Variants in KHDC4 observed in about 807,000 individuals in gnomAD.
KHDC4 encodes the protein KH homology domain-containing protein 4.
A neutral mutation model predicts 74.5 loss-of-function variants in KHDC4; 19 were observed. That is an observed-to-expected ratio of 0.26 (90% CI 0.18 to 0.37). KHDC4 has a LOEUF of 0.37. Ranked by LOEUF, KHDC4 falls within the 10% of genes least tolerant of loss-of-function variation. The pLI is 1.00. For synonymous variants in KHDC4, 253 were observed against 266.1 expected, an observed-to-expected ratio of 0.95 and a Z score of 0.48; for missense variants, 632 against 754.1, an observed-to-expected ratio of 0.84 and a Z score of 1.90.
chr1:155,922,923 T>C (rs1432725541), intron 8 of KHDC4, among the ~76,000 whole-genome samples: 3 of 152,148 alleles, frequency 2.0e-5, no homozygotes, highest in African/African-American at 4.8e-5. Context: ...AAGACAGTCC[T>C]GGCCGGGCGC....
At chr1:155,926,925 T>C in intron 5 of KHDC4, 86 bp from the exon 6 acceptor site, 1 of 1,481,286 alleles carries the variant, frequency 6.8e-7, no homozygotes, top group Non-Finnish European at 9.4e-7. Flanking sequence ...ACCGTAAATC[T>C]GCTTTATACG....
intron 10 of KHDC4, among the ~76,000 whole-genome samples, chr1:155,919,429 AT>A (rs892668386): frequency 6.6e-6 from 1 of 152,026 alleles, no homozygotes; most frequent in Non-Finnish European, 1.5e-5. Flanking sequence ...TAATCCTAGC[AT>A]TTTGGAAGTC....
At chr1:155,922,907 G>A (rs1294021274) in intron 8 of KHDC4, among the ~76,000 whole-genome samples, 1 of 152,166 alleles carries the variant, frequency 6.6e-6, no homozygotes, top group Admixed American at 6.5e-5. Context: ...TCCTCTAAGT[G>A]CTATAAAGAC....
chr1:155,930,210 G>A (rs1482975323), intron 2 of KHDC4, among the ~76,000 whole-genome samples: 4 of 152,226 alleles, frequency 2.6e-5, no homozygotes, highest in Non-Finnish European at 5.9e-5. Context: ...ACTGTGCCCA[G>A]CTGAGATAAA....
chr1:155,919,287 C>G (rs930542917), intron 10 of KHDC4, among the ~76,000 whole-genome samples: 3 of 152,052 alleles, frequency 2.0e-5, no homozygotes, highest in African/African-American at 4.8e-5. Flanking sequence ...CTGCTTTTAA[C>G]CACTCTGCTG....
At chr1:155,930,425 G>C (rs1294954491) in intron 2 of KHDC4, among the ~76,000 whole-genome samples, 1 of 152,104 alleles carries the variant, frequency 6.6e-6, no homozygotes, top group Non-Finnish European at 1.5e-5. Flanking sequence ...CTGTGACCTT[G>C]GCCCTATGTG....
chr1:155,925,954 G>T lies in KHDC4; in HGVS notation c.682-111C>A, dbSNP rs781642222. On this transcript the variant is annotated intron_variant, in intron 6 of 13. Coordinates refer to ENST00000368321, the MANE Select transcript of KHDC4 (RefSeq NM_014949.4). Reference sequence around the variant, plus strand: ...CAAAGACAGTCTCCTGTAAAACTGGGGTAGAGTGTTGGGTAGTACAGTCAG... The same window carrying T: ...CAAAGACAGTCTCCTGTAAAACTGGTGTAGAGTGTTGGGTAGTACAGTCAG... The T allele has an allele frequency of 7.2e-6, 7 of 965,654 alleles. No homozygotes were observed. In the Admixed American group the frequency reaches 1.0e-4, roughly 14 times the overall value. 59.8% of individuals were successfully genotyped at this position (965,654 alleles called of 1,614,324 possible). A position where few individuals can be genotyped will look rare whatever the true frequency, so the allele number is the denominator to read the frequency against.
intron 1 of KHDC4, 132 bp downstream of exon 1, chr1:155,934,204 C>T (rs1047168930): frequency 3.0e-6 from 3 of 1,011,254 alleles, no homozygotes; most frequent in Non-Finnish European, 4.3e-6. Flanking sequence ...TGCTCAAGAT[C>T]CTTCTCCCCA....
At chr1:155,932,012 G>A (rs1204854181) in intron 2 of KHDC4, among the ~76,000 whole-genome samples, 1 of 152,214 alleles carries the variant, frequency 6.6e-6, no homozygotes, top group Non-Finnish European at 1.5e-5. Context: ...CACTTGGCAG[G>A]TGGCTAATGT....
intron 10 of KHDC4, among the ~76,000 whole-genome samples, chr1:155,918,792 G>A (rs1444917728): frequency 2.0e-5 from 3 of 152,074 alleles, no homozygotes; most frequent in Admixed American, 1.3e-4. Context: ...CACAGCTAAC[G>A]TTTACTGACA....
chr1:155,929,700 A>G lies in KHDC4; in HGVS notation c.384+12T>C, dbSNP rs1433172061. The G allele has an allele frequency of 1.7e-5, 28 of 1,606,556 alleles. No individual in the cohort carries two copies. The highest frequency in any genetic ancestry group is 4.0e-5 in the African/African-American group (3 of 74,576). ...TCACCGCCCTCCCCAAAGAGTCTCA[A>G]TGCCTCCTCACCTCGTCTTGAGTCT... On this transcript the variant is annotated intron_variant, in intron 3 of 13. Transcript: ENST00000368321.
rs756487614 is a variant in KHDC4 at position 155,929,319 on chromosome 1, C to T, written c.441G>A (p.Glu147=). The T allele has an allele frequency of 1.2e-6, 2 of 1,613,908 alleles. No individual in the cohort carries two copies. The highest frequency in any genetic ancestry group is 1.7e-6 in the Non-Finnish European group (2 of 1,179,876). ...VSTRGRFMTT[E]EKAKVGPGDR... Reference sequence around the variant, plus strand: ...ACCCTGGTCCCACTTTGGCTTTTTCCTCAGTTGTCATGAACCTCCCTCGAG... The same window carrying T: ...ACCCTGGTCCCACTTTGGCTTTTTCTTCAGTTGTCATGAACCTCCCTCGAG... Residue 147 remains glutamate, a synonymous_variant, in exon 4 of 14, where the codon GAG becomes GAA. Transcript: ENST00000368321.
intron 6 of KHDC4, chr1:155,926,323 C>T: frequency 3.5e-6 from 1 of 286,266 alleles, no homozygotes; most frequent in South Asian, 3.0e-5. Flanking sequence ...TATTACTTGG[C>T]ACTTTTTTTT....
Position 155,934,351 on chromosome 1 carries a change from T to C in KHDC4, c.23A>G (p.His8Arg), listed in dbSNP as rs1253717171. 68 of 1,611,158 alleles carry C rather than the reference T, an allele frequency of 4.2e-5. No individual in the cohort carries two copies. The highest frequency in any genetic ancestry group is 5.7e-5 in the Non-Finnish European group (67 of 1,179,952). ...GAAGCCGTACCCGCCAGCTCCAGGA[T>C]GTGTCGCGCTCCCCGCGGACATGGC... MSAGSAT[H>R]PGAGGRRSKW... Residue 8 changes from histidine (H) to arginine (R), a missense_variant, in exon 1 of 14, where the codon CAT (histidine) becomes CGT (arginine). His to Arg is a conservative substitution (Grantham distance 29). Transcript: ENST00000368321.
intron 7 of KHDC4, among the ~76,000 whole-genome samples, chr1:155,925,329 C>T (rs1379042878): frequency 6.6e-6 from 1 of 151,788 alleles, no homozygotes; most frequent in Non-Finnish European, 1.5e-5. Flanking sequence ...CCGTGCCCGC[C>T]TAATTTTTAA....
chr1:155,923,491 G>A, intron 8 of KHDC4, 136 bp downstream of exon 8: 1 of 646,788 alleles, frequency 1.5e-6, no homozygotes, highest in East Asian at 2.7e-5. Flanking sequence ...GAATAAATTT[G>A]TGTTATTTTA....
In KHDC4 at chr1:155,922,809, A is replaced by T. The variant is rs576083146; in HGVS notation, c.954+818T>A. ...TAAATCAGGTGCTATGTACAAAAGT[A>T]AAAAAACAAACAAAAAAACCAACCA... On this transcript the variant is annotated intron_variant, in intron 8 of 13. Transcript: ENST00000368321. Among the ~76,000 whole-genome samples, 132 of 152,148 alleles carry T rather than the reference A, an allele frequency of 8.7e-4. 1 individual carries two copies. The highest frequency in any genetic ancestry group is 8.6e-3 in the Admixed American group (131 of 15,272).
chr1:155,915,565 T>A, intron 13 of KHDC4: 1 of 363,340 alleles, frequency 2.8e-6, no homozygotes, highest in East Asian at 4.3e-5. Flanking sequence ...TGGAGGGCAG[T>A]GGTCTGATCT....
At chr1:155,926,387 T>C (rs1204774797) in intron 6 of KHDC4, 2 of 384,740 alleles carry the variant, frequency 5.2e-6, no homozygotes, top group South Asian at 2.2e-5. Flanking sequence ...TGGAGTGCAG[T>C]GGCATGGTCT....
Sources: allele counts gnomAD v4.1 joint callset (sites outside exome capture counted in the v4.1 genomes callset), GRCh38; gene constraint gnomAD v4.1.1; transcripts MANE v1.5; gene names NCBI Gene and HGNC (gene_info 2026-07-23, HGNC 2026-07-21).